Variants in ASTN2 observed in about 807,000 individuals in gnomAD.
ASTN2 encodes the protein astrotactin-2.
In ASTN2, 54 loss-of-function variants were observed where a neutral mutation model predicts 139.8. The ratio of observed to expected loss-of-function variants is 0.39; its 90% CI spans 0.31 to 0.48. ASTN2 has a LOEUF of 0.48. Among genes scored for constraint, ASTN2 ranks in the 20% least tolerant of loss-of-function variants. The pLI is 0.95. For missense variants in ASTN2, 1,565 were observed against 1,725.1 expected (o/e 0.91, Z 1.64); for synonymous variants, 756 against 719.5 (o/e 1.05, Z -0.81).
intron 5 of ASTN2, among the ~76,000 whole-genome samples, chr9:117,067,921 G>A (rs1310819478): frequency 4.1e-5 from 5 of 122,008 alleles, no homozygotes; most frequent in Non-Finnish European, 5.4e-5. Context: ...AGACAGTGGG[G>A]TTTTCTAGAT....
At chr9:117,386,783 A>T (rs1432344292) in intron 1 of ASTN2, among the ~76,000 whole-genome samples, 1 of 152,086 alleles carries the variant, frequency 6.6e-6, no homozygotes, top group Non-Finnish European at 1.5e-5. Flanking sequence ...GAAGACCCAC[A>T]TGTGCTGCAG....
chr9:116,877,335 G>A (rs1588376119), intron 10 of ASTN2, among the ~76,000 whole-genome samples: 1 of 152,014 alleles, frequency 6.6e-6, no homozygotes, highest in African/African-American at 2.4e-5. Flanking sequence ...GCTATGCTGA[G>A]CACTTGTTTC....
At position 116,942,803 on chromosome 9, in the gene ASTN2, G is replaced by A. The variant is rs945268582; in HGVS notation, c.1889+32405C>T. 5.3e-5 allele frequency among the ~76,000 whole-genome samples: 8 copies of A among 152,196 alleles called. No homozygotes were observed. The East Asian group carries it at 1.4e-3, about 26-fold the overall frequency. ...GCCAAGTTCAGCCCAATAAAAGCAA[G>A]GACTTCAGGGAACACCAGTCAGCCT... On this transcript the variant is annotated intron_variant, in intron 10 of 22. Transcript: ENST00000313400.
Position 117,221,537 on chromosome 9 carries a change from G to A in ASTN2, c.631-6795C>T, listed in dbSNP as rs565791617. On this transcript the variant is annotated intron_variant, in intron 2 of 22. Transcript: ENST00000313400. ...CCAGGGGATTTGGTATTCTAAGACTGGATTTATAATACTCTGTTCTGCAGT... is the reference window on the plus strand; with the variant it reads ...CCAGGGGATTTGGTATTCTAAGACTAGATTTATAATACTCTGTTCTGCAGT... 7.2e-4 allele frequency among the ~76,000 whole-genome samples: 110 copies of A among 152,294 alleles called. 2 individuals are homozygous for A. The highest frequency in any genetic ancestry group is 6.8e-3 in the Admixed American group (104 of 15,304).
chr9:117,287,181 G>T (rs1338531880), intron 2 of ASTN2, among the ~76,000 whole-genome samples: 3 of 152,110 alleles, frequency 2.0e-5, no homozygotes, highest in Non-Finnish European at 2.9e-5. Context: ...TTGTGAGTGT[G>T]ATCTCATTCC....
At chr9:116,591,875 T>G (rs567788978) in intron 19 of ASTN2, among the ~76,000 whole-genome samples, 131 of 152,332 alleles carry the variant, frequency 8.6e-4, no homozygotes, top group African/African-American at 3.1e-3. Flanking sequence ...TACGTGCATT[T>G]TTATGTGGGA....
chr9:116,803,829 TA>T lies in ASTN2; in HGVS notation c.2396+1802del, dbSNP rs1293986581. Among the ~76,000 whole-genome samples the T allele has an allele frequency of 5.3e-3, 760 of 142,808 alleles. 4 individuals carry two copies. Among genetic ancestry groups the T allele is most frequent in the African/African-American group, 0.013 (517 of 39,198 alleles). 93.7% of individuals were successfully genotyped at this position (142,808 alleles called of 152,430 possible). ...GTGAGCCACCACACCCAGCCCAGTT[TA>T]AAAAAAAAAAAAGTTAGCAGAGATG... is the stretch of plus-strand genomic sequence containing the variant. On this transcript the variant is annotated intron_variant, in intron 13 of 22. Transcript: ENST00000313400.
chr9:117,389,805 C>G (rs1830495879), intron 1 of ASTN2, among the ~76,000 whole-genome samples: 1 of 150,624 alleles, frequency 6.6e-6, no homozygotes, highest in African/African-American at 2.5e-5. Flanking sequence ...GAGGGGCCCA[C>G]AGACAATTAA....
chr9:116,650,469 T>G (rs1373941337), intron 17 of ASTN2, among the ~76,000 whole-genome samples: 1 of 152,192 alleles, frequency 6.6e-6, no homozygotes, highest in Non-Finnish European at 1.5e-5. Context: ...TCACTTAATA[T>G]CTTTGAGGTT....
intron 5 of ASTN2, among the ~76,000 whole-genome samples, chr9:117,067,862 GCT>G (rs1827998593): frequency 9.9e-6 from 1 of 100,570 alleles, no homozygotes; most frequent in Non-Finnish European, 2.4e-5. Context: ...GATTTTGTAT[GCT>G]GAGACTTTGC....
At chr9:117,053,806 C>G (rs1192629241) in intron 5 of ASTN2, among the ~76,000 whole-genome samples, 1 of 152,214 alleles carries the variant, frequency 6.6e-6, no homozygotes. Flanking sequence ...TGTAGAGGTT[C>G]AGCTGCAAAC....
chr9:116,548,472 T>C (rs532822077), intron 19 of ASTN2, among the ~76,000 whole-genome samples: 2 of 152,100 alleles, frequency 1.3e-5, no homozygotes, highest in Admixed American at 1.3e-4. Context: ...GGTTTTGTTG[T>C]TGTTGTTTTG....
intron 11 of ASTN2, among the ~76,000 whole-genome samples, chr9:116,826,419 G>T (rs547381024): frequency 2.0e-5 from 3 of 152,254 alleles, no homozygotes; most frequent in Admixed American, 2.0e-4. Context: ...GAGGTAACAT[G>T]GCTGCAGCCA....
At chr9:116,437,144 A>C in intron 22 of ASTN2, 1 of 346,144 alleles carries the variant, frequency 2.9e-6, no homozygotes, top group South Asian at 2.4e-5. Context: ...CCAGCATGGC[A>C]CATGTAACTA....
intron 9 of ASTN2, among the ~76,000 whole-genome samples, 177 bp from the exon 10 acceptor site, chr9:116,975,522 A>T (rs1836319480): frequency 6.6e-6 from 1 of 152,136 alleles, no homozygotes. Flanking sequence ...TCATTTCTCA[A>T]ATCTGTTAAA....
At chr9:117,120,918 C>T (rs1438203400) in intron 4 of ASTN2, among the ~76,000 whole-genome samples, 1 of 152,198 alleles carries the variant, frequency 6.6e-6, no homozygotes, top group East Asian at 1.9e-4. Flanking sequence ...AGGAGGGTAA[C>T]AGTGAGCTAA....
chr9:117,202,884 T>C, intron 3 of ASTN2, among the ~76,000 whole-genome samples: 1 of 152,188 alleles, frequency 6.6e-6, no homozygotes, highest in Non-Finnish European at 1.5e-5. Context: ...TAGCATGTCT[T>C]GCTAGGTTGG....
At chr9:117,413,369 C>T (rs953562217) in intron 1 of ASTN2, among the ~76,000 whole-genome samples, 1 of 152,234 alleles carries the variant, frequency 6.6e-6, no homozygotes, top group Non-Finnish European at 1.5e-5. Flanking sequence ...GAGGAAAAGA[C>T]CCGGGGAAGA....
intron 5 of ASTN2, among the ~76,000 whole-genome samples, chr9:117,095,397 T>C (rs997915023): frequency 3.9e-5 from 6 of 152,216 alleles, no homozygotes; most frequent in African/African-American, 9.6e-5. Context: ...GCTTCAGCAT[T>C]TGGCCATCCC....
Sources: gnomAD v4.1 joint callset for allele counts (sites outside exome capture counted in the v4.1 genomes callset) on GRCh38, gnomAD v4.1.1 for gene constraint, MANE v1.5 for transcripts, NCBI Gene and HGNC (gene_info 2026-07-23, HGNC 2026-07-21) for gene names.